SEZ6L: variants seen among roughly 807,000 people sequenced by gnomAD.
SEZ6L encodes seizure 6-like protein.
In SEZ6L, 37 loss-of-function variants were observed where a neutral mutation model predicts 106.2. The observed-to-expected ratio is 0.35, with a 90% confidence interval of 0.27 to 0.46. SEZ6L has a LOEUF of 0.46. Ranked by LOEUF, SEZ6L falls within the 20% of genes least tolerant of loss-of-function variation. The probability of loss-of-function intolerance (pLI) is 1.00; values close to 1 mark genes in which losing one functional copy is unlikely to be tolerated. For synonymous variants in SEZ6L, 541 were observed against 570.4 expected, an observed-to-expected ratio of 0.95 and a Z score of 0.73; for missense variants, 1,172 against 1,332.8, an observed-to-expected ratio of 0.88 and a Z score of 1.88.
chr22:26,365,438 G>A lies in SEZ6L; in HGVS notation c.2666G>A (p.Arg889Gln), dbSNP rs2083774052. 5 of 1,613,952 alleles carry A rather than the reference G, an allele frequency of 3.1e-6. No individual in the cohort carries two copies. Among genetic ancestry groups the A allele is most frequent in the Middle Eastern group, 3.3e-4 (2 of 6,080 alleles). The stretch of plus-strand genomic sequence containing the variant: ...AATGGATACCAAATCCTGTACAAGC[G>A]ACTCTACCTGCCAGGAGAGTCCCTC... ...PENGYQILYKRLYLPGESLTF... is the reference protein window; with the variant it reads ...PENGYQILYKQLYLPGESLTF... Residue 889 changes from arginine (R) to glutamine (Q), a missense_variant, in exon 13 of 17, where the codon CGA becomes CAA. Physicochemically the swap from Arg to Gln is conservative, Grantham distance 43. This residue lies in a region of SEZ6L where 141 missense variants were observed against 176.0 expected (regional missense o/e 0.80). Coordinates refer to ENST00000248933, the MANE Select transcript of SEZ6L (RefSeq NM_021115.5).
At chr22:26,332,829 G>A (rs1396652379) in intron 9 of SEZ6L, among the ~76,000 whole-genome samples, 5 of 152,216 alleles carry the variant, frequency 3.3e-5, no homozygotes, top group African/African-American at 1.2e-4. Flanking sequence ...GAAAACGTGT[G>A]TATGTGGCTT....
chr22:26,247,560 G>A (rs2331216), intron 1 of SEZ6L, among the ~76,000 whole-genome samples: 35,626 of 151,924 alleles, frequency 0.23, 4,957 homozygotes, highest in East Asian at 0.38. Flanking sequence ...ACTGCAAGCC[G>A]AGGAACACCA....
chr22:26,305,878 A>T, intron 5 of SEZ6L, 101 bp from the exon 6 acceptor site: 23 of 1,189,300 alleles, frequency 1.9e-5, no homozygotes, highest in Non-Finnish European at 2.5e-5. Flanking sequence ...AGAATGAAAC[A>T]CTCACTTCCT....
At chr22:26,324,075 CACACACACACACACACACACACACACAA>C (rs1477315883) in intron 9 of SEZ6L, among the ~76,000 whole-genome samples, 2 of 144,206 alleles carry the variant, frequency 1.4e-5, no homozygotes, top group African/African-American at 5.7e-5. Context: ...CACACACACA[CACACACACACACACACACACACACACAA>C]ACACACACAC....
At chr22:26,278,564 A>G (rs2080632587) in intron 1 of SEZ6L, among the ~76,000 whole-genome samples, 1 of 152,164 alleles carries the variant, frequency 6.6e-6, no homozygotes, top group Non-Finnish European at 1.5e-5. Flanking sequence ...TTTCTGAGTT[A>G]GTTCACTTAG....
intron 9 of SEZ6L, among the ~76,000 whole-genome samples, chr22:26,336,581 G>A (rs1450448576): frequency 6.6e-6 from 1 of 152,166 alleles, no homozygotes; most frequent in South Asian, 2.1e-4. Flanking sequence ...TCTTAGCTTA[G>A]GGAGACACTG....
chr22:26,274,788 G>GC (rs1274816122), intron 1 of SEZ6L, among the ~76,000 whole-genome samples: 1 of 152,192 alleles, frequency 6.6e-6, no homozygotes, highest in Non-Finnish European at 1.5e-5. Context: ...TGGTGTTGTG[G>GC]CGACACCCAC....
chr22:26,190,153 T>C (rs1404672453), intron 1 of SEZ6L, among the ~76,000 whole-genome samples: 1 of 150,858 alleles, frequency 6.6e-6, no homozygotes, highest in African/African-American at 2.4e-5. Flanking sequence ...CTTCCACCAG[T>C]TTTAAAGCCC....
At chr22:26,325,635 G>C (rs943485760) in intron 9 of SEZ6L, among the ~76,000 whole-genome samples, 4 of 152,164 alleles carry the variant, frequency 2.6e-5, no homozygotes, top group Non-Finnish European at 5.9e-5. Context: ...CCTACAGTAA[G>C]AAGTCTTGGG....
chr22:26,331,786 C>A (rs776531550), intron 9 of SEZ6L, among the ~76,000 whole-genome samples: 2 of 152,084 alleles, frequency 1.3e-5, no homozygotes, highest in Non-Finnish European at 2.9e-5. Context: ...AGTTTGAGAA[C>A]AGCCCAGCCA....
chr22:26,293,455 T>A (rs1482724568), intron 2 of SEZ6L, among the ~76,000 whole-genome samples: 1 of 152,168 alleles, frequency 6.6e-6, no homozygotes, highest in African/African-American at 2.4e-5. Context: ...CTCAGCCTCT[T>A]GAGTAGCTGG....
chr22:26,345,975 G>T (rs1648580669), intron 10 of SEZ6L, among the ~76,000 whole-genome samples: 1 of 151,972 alleles, frequency 6.6e-6, no homozygotes, highest in South Asian at 2.1e-4. Context: ...TATGCAATTG[G>T]ATTTGAAGAA....
At chr22:26,266,668 C>T (rs1049615853) in intron 1 of SEZ6L, among the ~76,000 whole-genome samples, 5 of 151,920 alleles carry the variant, frequency 3.3e-5, no homozygotes, top group African/African-American at 1.2e-4. Flanking sequence ...GTAAGTGTCC[C>T]CATAGCTCTC....
intron 9 of SEZ6L, among the ~76,000 whole-genome samples, chr22:26,318,158 C>T (rs1226754896): frequency 6.6e-6 from 1 of 151,974 alleles, no homozygotes; most frequent in Non-Finnish European, 1.5e-5. Context: ...ACTGCAACCT[C>T]CGATTCCTGG....
chr22:26,289,729 C>T (rs761463484), intron 1 of SEZ6L, among the ~76,000 whole-genome samples: 51 of 152,106 alleles, frequency 3.4e-4, no homozygotes, highest in Non-Finnish European at 5.7e-4. Context: ...ATTAAGCCAC[C>T]GCCGCCAACT....
intron 6 of SEZ6L, 104 bp from the exon 7 acceptor site, chr22:26,310,566 C>A: frequency 8.0e-7 from 1 of 1,256,672 alleles, no homozygotes; most frequent in Non-Finnish European, 1.1e-6. Flanking sequence ...GGTTTGGGAT[C>A]CGGTAATGAG....
chr22:26,178,395 A>G (rs1412393750), intron 1 of SEZ6L, among the ~76,000 whole-genome samples: 1 of 152,200 alleles, frequency 6.6e-6, no homozygotes, highest in Non-Finnish European at 1.5e-5. Context: ...TGGGTCATGG[A>G]TAGTGGCTGA....
chr22:26,319,211 A>G (rs2082086496), intron 9 of SEZ6L, among the ~76,000 whole-genome samples: 1 of 152,154 alleles, frequency 6.6e-6, no homozygotes, highest in Non-Finnish European at 1.5e-5. Flanking sequence ...CCCAGAGTCC[A>G]AGCAGTTCTG....
chr22:26,280,912 C>G (rs764382181), intron 1 of SEZ6L, among the ~76,000 whole-genome samples: 1 of 152,188 alleles, frequency 6.6e-6, no homozygotes, highest in South Asian at 2.1e-4. Context: ...GGTAAGAACA[C>G]TTATAATCTA....
Sources: allele counts gnomAD v4.1 joint callset (sites outside exome capture counted in the v4.1 genomes callset), GRCh38; gene constraint gnomAD v4.1.1; regional missense constraint gnomAD v4.1.1; transcripts MANE v1.5; gene names NCBI Gene and HGNC (gene_info 2026-07-23, HGNC 2026-07-21).